Variants in PTPN1 observed in about 807,000 individuals in gnomAD.
PTPN1 encodes the protein protein tyrosine phosphatase non-receptor type 1.
Under a neutral mutation model 59.9 loss-of-function variants are expected in PTPN1, and 12 were observed. The ratio of observed to expected loss-of-function variants is 0.20; its 90% CI spans 0.13 to 0.32. The LOEUF is 0.32. PTPN1 is among the 10% of genes least tolerant of loss of function. PTPN1 has a pLI of 1.00. For missense variants in PTPN1, 356 were observed against 549.2 expected (o/e 0.65, Z 3.52); for synonymous variants, 178 against 203.6 (o/e 0.87, Z 1.07).
chr20:50,579,042 C>A, intron 6 of PTPN1, 126 bp from the exon 7 acceptor site: 1 of 1,150,436 alleles, frequency 8.7e-7, no homozygotes, highest in Non-Finnish European at 1.3e-6. Flanking sequence ...CCCACCCAGC[C>A]CCACCTCCAA....
At chr20:50,579,948 T>G in intron 8 of PTPN1, 22 bp downstream of exon 8, 1 of 1,600,138 alleles carries the variant, frequency 6.2e-7, no homozygotes, top group Non-Finnish European at 8.6e-7. Flanking sequence ...GGGTCCCAGC[T>G]TGTTGGGGTG....
In PTPN1 at chr20:50,568,861, G is replaced by T. The variant is rs1303131063; in HGVS notation, c.354+383G>T. On this transcript the variant is annotated intron_variant, in intron 4 of 9. Transcript: ENST00000371621. The surrounding 1 kb of genome is among the most constrained non-coding windows in gnomAD (Gnocchi z 5.6). Reference sequence around the variant, plus strand: ...CATCTTCATGGTGTCTGATTTTTTGGCTGGTGAGAGTGTGGCTACCTCTGC... The same window carrying T: ...CATCTTCATGGTGTCTGATTTTTTGTCTGGTGAGAGTGTGGCTACCTCTGC... Among the ~76,000 whole-genome samples, 1 of 152,090 alleles carries T rather than the reference G, an allele frequency of 6.6e-6. No homozygotes were observed. The highest frequency in any genetic ancestry group is 2.4e-5 in the African/African-American group (1 of 41,396).
At chr20:50,581,862 A>AGT (rs1005646325) in intron 9 of PTPN1, among the ~76,000 whole-genome samples, 2 of 152,168 alleles carry the variant, frequency 1.3e-5, no homozygotes, top group African/African-American at 4.8e-5. Flanking sequence ...AAAAAAACAA[A>AGT]GTAGGCACTT....
At chr20:50,533,543 A>G (rs2122739330) in intron 1 of PTPN1, among the ~76,000 whole-genome samples, 1 of 152,118 alleles carries the variant, frequency 6.6e-6, no homozygotes, top group East Asian at 1.9e-4. Context: ...TAGCCAGTGA[A>G]GATGCAGACT....
chr20:50,579,632 A>G (rs1302601314), intron 7 of PTPN1, 71 bp from the exon 8 acceptor site: 17 of 1,377,166 alleles, frequency 1.2e-5, no homozygotes, highest in South Asian at 4.8e-5. Context: ...ACCTCTGCTC[A>G]TGCAAAGGGA....
rs758601344 is a variant in PTPN1, at chr20:50,579,335, C to T, written c.864+6C>T. On this transcript the variant is annotated splice_donor_region_variant and intron_variant, in intron 7 of 9. Transcript: ENST00000371621. ...TGGGGGACTCTTCCGTGCAGGTCAG[C>T]ATTGCCTTTGTTTGAATCCAGGTGT... is the stretch of plus-strand genomic sequence containing the variant. 44 of 1,612,092 alleles carry T rather than the reference C, an allele frequency of 2.7e-5. No homozygotes were observed. Among genetic ancestry groups the T allele is most frequent in the Non-Finnish European group, 3.7e-5 (44 of 1,178,484 alleles).
chr20:50,526,308 T>G (rs1427266045), intron 1 of PTPN1, among the ~76,000 whole-genome samples: 1 of 152,124 alleles, frequency 6.6e-6, no homozygotes, highest in African/African-American at 2.4e-5. Flanking sequence ...CTTGAACTCC[T>G]AAACTCAAGT....
intron 1 of PTPN1, among the ~76,000 whole-genome samples, chr20:50,553,698 A>G (rs1036741899): frequency 4.6e-5 from 7 of 152,250 alleles, no homozygotes. Flanking sequence ...AAGCCCAGAA[A>G]TGACAGATGA....
chr20:50,580,208 GT>G (rs1299440078), intron 8 of PTPN1, among the ~76,000 whole-genome samples: 1 of 151,848 alleles, frequency 6.6e-6, no homozygotes, highest in East Asian at 1.9e-4. Flanking sequence ...ACCGAGTAGG[GT>G]TTTTCTGCCC....
At position 50,510,558 on chromosome 20, in the gene PTPN1, G is replaced by T. The variant is rs1487620720; in HGVS notation, c.31G>T (p.Asp11Tyr). The T allele has an allele frequency of 1.3e-6, 2 of 1,551,150 alleles. No individual in the cohort carries two copies. Among genetic ancestry groups the T allele is most frequent in the East Asian group, 2.5e-5 (1 of 40,812 alleles). The part of the protein sequence containing the change: MEMEKEFEQI[D>Y]KSGSWAAIYQ... The stretch of plus-strand genomic sequence containing the variant: ...GATGGAAAAGGAGTTCGAGCAGATC[G>T]ACAAGTCCGGGAGCTGGGCGGCCAT... Residue 11 changes from aspartate (D) to tyrosine (Y), a missense_variant, in exon 1 of 10, where the codon GAC becomes TAC. Asp to Tyr is a radical substitution (Grantham distance 160, BLOSUM62 -3). This residue lies in a region of PTPN1 where 194 missense variants were observed against 344.2 expected (regional missense o/e 0.56). Transcript: ENST00000371621.
chr20:50,532,126 G>A (rs2082604148), intron 1 of PTPN1, among the ~76,000 whole-genome samples: 1 of 152,226 alleles, frequency 6.6e-6, no homozygotes, highest in Non-Finnish European at 1.5e-5. Context: ...ATGGATGATA[G>A]AGATGTTAAC....
intron 3 of PTPN1, among the ~76,000 whole-genome samples, chr20:50,566,199 C>T (rs1214710170): frequency 3.3e-5 from 5 of 152,176 alleles, no homozygotes; most frequent in South Asian, 4.2e-4. Flanking sequence ...GTTGATAAGG[C>T]GGGAGATGTC....
chr20:50,575,143 T>G lies in PTPN1; in HGVS notation c.492+489T>G, dbSNP rs117564358. On this transcript the variant is annotated intron_variant, in intron 5 of 9. Coordinates refer to ENST00000371621, the MANE Select transcript of PTPN1 (RefSeq NM_002827.4). ...ACACCAGCTACTTGCTTGGTAAAAG[T>G]TGGTCTTGGAACATGGCAAGGCATT... is the stretch of plus-strand genomic sequence containing the variant. 5.1e-3 allele frequency: 791 copies of G among 155,114 alleles called. 4 individuals are homozygous for G. The highest frequency in any genetic ancestry group is 7.3e-3 in the Admixed American group (112 of 15,314). 9.6% of individuals were successfully genotyped at this position (155,114 alleles called of 1,614,324 possible).
chr20:50,533,697 C>T (rs111649385), intron 1 of PTPN1, among the ~76,000 whole-genome samples: 100 of 152,182 alleles, frequency 6.6e-4, no homozygotes, highest in African/African-American at 2.3e-3. Flanking sequence ...CTTGCCCCCC[C>T]CCAGAAAGGA....
intron 1 of PTPN1, among the ~76,000 whole-genome samples, chr20:50,560,703 G>C (rs1247270786): frequency 6.6e-6 from 1 of 151,378 alleles, no homozygotes; most frequent in Non-Finnish European, 1.5e-5. Context: ...GTGGCAGTAA[G>C]TACATTCACG....
chr20:50,574,361 C>T (rs1343254142), intron 4 of PTPN1, 156 bp from the exon 5 acceptor site: 2 of 736,050 alleles, frequency 2.7e-6, no homozygotes, highest in South Asian at 2.3e-5. Flanking sequence ...CCCCCATCTC[C>T]CCATGAGGCA....
At chr20:50,510,987 C>T (rs2082504680) in intron 1 of PTPN1, among the ~76,000 whole-genome samples, 1 of 152,078 alleles carries the variant, frequency 6.6e-6, no homozygotes, top group Non-Finnish European at 1.5e-5. Context: ...GACTCTCTTC[C>T]TTTGTCTCCC....
At chr20:50,579,494 A>T (rs1246429417) in intron 7 of PTPN1, among the ~76,000 whole-genome samples, 165 bp downstream of exon 7, 2 of 152,226 alleles carry the variant, frequency 1.3e-5, no homozygotes, top group African/African-American at 4.8e-5. Flanking sequence ...ACCATGTTGC[A>T]CTTTGTGCCT....
intron 1 of PTPN1, among the ~76,000 whole-genome samples, chr20:50,534,993 C>T (rs1246673691): frequency 6.6e-6 from 1 of 152,258 alleles, no homozygotes; most frequent in African/African-American, 2.4e-5. Context: ...GGCGGTCCTC[C>T]TGCATTGGCC....
Sources: gnomAD v4.1 joint callset for allele counts (sites outside exome capture counted in the v4.1 genomes callset) on GRCh38, gnomAD v4.1.1 for gene constraint, gnomAD v4.1.1 regional missense constraint, Gnocchi (gnomAD v3.1) non-coding constraint, MANE v1.5 for transcripts, NCBI Gene and HGNC (gene_info 2026-07-23, HGNC 2026-07-21) for gene names.